MARK3: variants seen among roughly 807,000 people sequenced by gnomAD.
MARK3 encodes microtubule affinity regulating kinase 3, also known as MAP/microtubule affinity-regulating kinase 3.
MARK3 carries 46 observed loss-of-function variants against 90.1 expected under a neutral mutation model. The ratio of observed to expected loss-of-function variants is 0.51; its 90% CI spans 0.40 to 0.65. MARK3 has a LOEUF of 0.65. MARK3 is among the 30% of genes least tolerant of loss of function. The probability of loss-of-function intolerance (pLI) is 0.00; values close to 1 mark genes in which losing one functional copy is unlikely to be tolerated. For synonymous variants in MARK3, 321 were observed against 332.6 expected, an observed-to-expected ratio of 0.97 and a Z score of 0.38; for missense variants, 818 against 947.2, an observed-to-expected ratio of 0.86 and a Z score of 1.79.
chr14:103,395,422 T>C (rs1343230081), intron 1 of MARK3, among the ~76,000 whole-genome samples: 1 of 152,142 alleles, frequency 6.6e-6, no homozygotes, highest in African/African-American at 2.4e-5. Flanking sequence ...GACTTCACTT[T>C]CTCAATTTCC....
chr14:103,482,907 T>C (rs1415478484), intron 14 of MARK3, among the ~76,000 whole-genome samples: 1 of 152,214 alleles, frequency 6.6e-6, no homozygotes, highest in Non-Finnish European at 1.5e-5. Flanking sequence ...TGAAATACTT[T>C]GCTTCTGAAG....
intron 14 of MARK3, chr14:103,490,939 A>C: frequency 7.9e-7 from 1 of 1,264,824 alleles, no homozygotes; most frequent in Non-Finnish European, 1.0e-6. Context: ...GCCTGAACCC[A>C]AACCCCTCCC....
chr14:103,477,655 G>GTC (rs144422508), intron 13 of MARK3, among the ~76,000 whole-genome samples: 16,052 of 152,036 alleles, frequency 0.11, 1,066 homozygotes, highest in Middle Eastern at 0.19. Flanking sequence ...GCCAACACCT[G>GTC]TCTTTAGTTT....
intron 2 of MARK3, among the ~76,000 whole-genome samples, chr14:103,426,871 G>T (rs2092420436): frequency 7.0e-6 from 1 of 142,214 alleles, no homozygotes; most frequent in Non-Finnish European, 1.5e-5. Context: ...TTCTTTAACT[G>T]CCCAAAGGGC....
chr14:103,502,089 C>T (rs2142178756), intron 17 of MARK3, among the ~76,000 whole-genome samples: 1 of 152,290 alleles, frequency 6.6e-6, no homozygotes, highest in Admixed American at 6.5e-5. Context: ...GACTAAATGC[C>T]AAGGAGTGGC....
chr14:103,481,634 A>G (rs1452071851), intron 14 of MARK3, among the ~76,000 whole-genome samples: 3 of 30,772 alleles, frequency 9.7e-5, no homozygotes, highest in Non-Finnish European at 2.4e-4. Context: ...GTTCTCTTTT[A>G]TGACTCGTGT....
At chr14:103,462,792 A>G (rs2093426686) in intron 7 of MARK3, among the ~76,000 whole-genome samples, 1 of 152,112 alleles carries the variant, frequency 6.6e-6, no homozygotes, top group Non-Finnish European at 1.5e-5. Flanking sequence ...TGCTGCTTTC[A>G]TCAGTATTCT....
Position 103,385,786 on chromosome 14 carries a change from C to T in MARK3, c.-244C>T, listed in dbSNP as rs1404908292. The T allele has an allele frequency of 7.4e-6, 3 of 404,554 alleles. No individual in the cohort carries two copies. Among genetic ancestry groups the T allele is most frequent in the Non-Finnish European group, 1.3e-5 (3 of 229,628 alleles). The allele number at this position is 404,554 out of a possible 1,614,324, so 25.1% of individuals were successfully genotyped here. On this transcript the variant is annotated 5_prime_UTR_variant, in exon 1 of 18. Coordinates refer to ENST00000429436, the MANE Select transcript of MARK3 (RefSeq NM_001128918.3). The stretch of plus-strand genomic sequence containing the variant: ...CCCGCCGCCCGCAGGCTCGGCTCCG[C>T]CACTGCCGCCCTCCCGGTCTCCTCG...
At chr14:103,430,546 C>A (rs2141066976) in intron 3 of MARK3, among the ~76,000 whole-genome samples, 1 of 152,272 alleles carries the variant, frequency 6.6e-6, no homozygotes, top group East Asian at 1.9e-4. Context: ...GTGGAGCATG[C>A]CCTAGCAGCT....
intron 5 of MARK3, 72 bp downstream of exon 5, chr14:103,452,055 C>T (rs2093160152): frequency 1.0e-6 from 1 of 961,930 alleles, no homozygotes; most frequent in Non-Finnish European, 1.6e-6. Flanking sequence ...CCATACTGCC[C>T]ATATGGGTCA....
At chr14:103,479,845 G>A (rs1392217888) in intron 13 of MARK3, among the ~76,000 whole-genome samples, 2 of 151,848 alleles carry the variant, frequency 1.3e-5, no homozygotes, top group Non-Finnish European at 2.9e-5. Flanking sequence ...TCTCCATGTT[G>A]GTCAGGCTGG....
chr14:103,411,048 G>A (rs2140815132), intron 2 of MARK3, among the ~76,000 whole-genome samples: 3 of 152,306 alleles, frequency 2.0e-5, no homozygotes, highest in African/African-American at 7.2e-5. Context: ...GCCGAGGTGG[G>A]TGGATCACGA....
chr14:103,490,797 T>C, intron 14 of MARK3: 1 of 271,762 alleles, frequency 3.7e-6, no homozygotes, highest in Non-Finnish European at 6.1e-6. Flanking sequence ...TAGCAGTTGC[T>C]CCAGAATCTC....
At chr14:103,500,263 GCGA>G in intron 17 of MARK3, 63 bp downstream of exon 17, 1 of 1,246,594 alleles carries the variant, frequency 8.0e-7, no homozygotes, top group Non-Finnish European at 1.1e-6. Flanking sequence ...TGTGGCAGAG[GCGA>G]CTATTTTCTG....
At chr14:103,492,465 A>G (rs959404828) in intron 15 of MARK3, among the ~76,000 whole-genome samples, 31 of 152,130 alleles carry the variant, frequency 2.0e-4, no homozygotes, top group African/African-American at 7.0e-4. Context: ...TTCTCACTTT[A>G]TTGTTGTTAA....
intron 2 of MARK3, among the ~76,000 whole-genome samples, chr14:103,406,311 G>A (rs1451893068): frequency 1.3e-5 from 2 of 151,892 alleles, no homozygotes; most frequent in Admixed American, 6.6e-5. Context: ...TGCAACCTCC[G>A]CCTCCCAGGT....
At chr14:103,463,063 C>T (rs2093431610) in intron 7 of MARK3, among the ~76,000 whole-genome samples, 1 of 152,042 alleles carries the variant, frequency 6.6e-6, no homozygotes, top group Admixed American at 6.6e-5. Context: ...TGTCTGATGC[C>T]TCTTTTCTCT....
At chr14:103,400,200 A>T (rs2090867118) in intron 1 of MARK3, among the ~76,000 whole-genome samples, 1 of 152,110 alleles carries the variant, frequency 6.6e-6, no homozygotes, top group South Asian at 2.1e-4. Context: ...AAGTGCTGGG[A>T]TTACAGGTGT....
Position 103,460,354 on chromosome 14 carries a change from G to A in MARK3, c.484-2051G>A, listed in dbSNP as rs909376745. ...CCCGCCTCGGCCTCCCAAAGTGCTG[G>A]GATTACAGGCGTGAGCCACGCGCCC... is the stretch of plus-strand genomic sequence containing the variant. On this transcript the variant is annotated intron_variant, in intron 6 of 17. Coordinates refer to ENST00000429436, the MANE Select transcript of MARK3 (RefSeq NM_001128918.3). 7.2e-5 allele frequency among the ~76,000 whole-genome samples: 11 copies of A among 152,050 alleles called. No homozygotes were observed. In the East Asian group the frequency reaches 2.1e-3, roughly 29 times the overall value.
Sources: allele counts gnomAD v4.1 joint callset (sites outside exome capture counted in the v4.1 genomes callset), GRCh38; gene constraint gnomAD v4.1.1; transcripts MANE v1.5; gene names NCBI Gene and HGNC (gene_info 2026-07-23, HGNC 2026-07-21).